AFTPH: variants seen among roughly 807,000 people sequenced by gnomAD.
AFTPH encodes the protein aftiphilin protein.
A neutral mutation model predicts 72.5 loss-of-function variants in AFTPH; 7 were observed. That is an observed-to-expected ratio of 0.10 (90% confidence interval 0.05 to 0.18). AFTPH has a LOEUF of 0.18. AFTPH is among the 10% of genes least tolerant of loss of function. The pLI, the probability that AFTPH is intolerant of heterozygous loss-of-function variation, is 1.00. For synonymous variants in AFTPH, 337 were observed against 370.1 expected (o/e 0.91, Z 1.03); for missense variants, 979 against 1,060.5 (o/e 0.92, Z 1.07).
chr2:64,573,625 C>G (rs1384665197), intron 6 of AFTPH, among the ~76,000 whole-genome samples: 1 of 152,042 alleles, frequency 6.6e-6, no homozygotes, highest in Non-Finnish European at 1.5e-5. Flanking sequence ...ATGATGTGAC[C>G]TTTAACTAAA....
intron 1 of AFTPH, among the ~76,000 whole-genome samples, chr2:64,531,276 GTTA>G (rs1558589598): frequency 6.6e-6 from 1 of 151,842 alleles, no homozygotes; most frequent in Admixed American, 6.6e-5. Context: ...TAGAAGTAGA[GTTA>G]TTAAGTCAGA....
intron 8 of AFTPH, among the ~76,000 whole-genome samples, chr2:64,586,365 T>G (rs1673508025): frequency 6.6e-6 from 1 of 152,226 alleles, no homozygotes; most frequent in Admixed American, 6.5e-5. Flanking sequence ...TTAAAAGAAG[T>G]GTTATAGCTC....
chr2:64,568,943 G>T, intron 3 of AFTPH, 149 bp from the exon 4 acceptor site: 3 of 848,886 alleles, frequency 3.5e-6, no homozygotes, highest in Non-Finnish European at 5.8e-6. Context: ...ATAAGTATTG[G>T]CTCTTGATTT....
chr2:64,574,166 G>A (rs1298435089), intron 6 of AFTPH, among the ~76,000 whole-genome samples: 2 of 152,150 alleles, frequency 1.3e-5, no homozygotes, highest in Admixed American at 1.3e-4. Flanking sequence ...ATTTTTAAGT[G>A]AACATTACCA....
chr2:64,571,098 A>C (rs1672397334), intron 5 of AFTPH, among the ~76,000 whole-genome samples: 1 of 152,068 alleles, frequency 6.6e-6, no homozygotes. Flanking sequence ...AATTATAGCT[A>C]AATTTACCCA....
At chr2:64,573,701 A>G (rs1466100750) in intron 6 of AFTPH, among the ~76,000 whole-genome samples, 1 of 152,194 alleles carries the variant, frequency 6.6e-6, no homozygotes, top group African/African-American at 2.4e-5. Flanking sequence ...TGTGTCTCCC[A>G]GGCTGGAGTG....
chr2:64,572,878 G>C (rs1672530263), intron 5 of AFTPH, 68 bp from the exon 6 acceptor site: 1 of 1,559,510 alleles, frequency 6.4e-7, no homozygotes, highest in Non-Finnish European at 8.7e-7. Flanking sequence ...TCTTCTTTCT[G>C]ATAGATTAAC....
intron 7 of AFTPH, 59 bp downstream of exon 8, chr2:64,581,332 C>T (rs1673184173): frequency 7.3e-7 from 1 of 1,375,760 alleles, no homozygotes. Flanking sequence ...GACCACATCA[C>T]TTGACTTTCC....
At chr2:64,537,475 G>A (rs960690618) in intron 1 of AFTPH, among the ~76,000 whole-genome samples, 73 of 152,048 alleles carry the variant, frequency 4.8e-4, no homozygotes, top group African/African-American at 1.6e-3. Context: ...AAAATGTTTC[G>A]TATGCTACTA....
exon 2 of AFTPH, chr2:64,552,433 T>C (rs1298160716): frequency 6.2e-7 from 1 of 1,614,094 alleles, no homozygotes; most frequent in East Asian, 2.2e-5. Context: ...CTTCCAACAC[T>C]GCAACAGGAT....
chr2:64,567,884 T>C (rs1291493792), intron 3 of AFTPH, among the ~76,000 whole-genome samples, 171 bp downstream of exon 3: 1 of 135,138 alleles, frequency 7.4e-6, no homozygotes, highest in Non-Finnish European at 1.7e-5. Context: ...CTACTAAAAA[T>C]ACAGAAAATT....
intron 5 of AFTPH, among the ~76,000 whole-genome samples, chr2:64,572,013 C>T (rs190311800): frequency 3.9e-5 from 6 of 152,102 alleles, no homozygotes; most frequent in Admixed American, 2.0e-4. Flanking sequence ...GTCAGGAGTT[C>T]GAGACCAGCC....
chr2:64,592,650 T>TTG (rs2104287252), exon 9 of AFTPH: 1 of 152,700 alleles, frequency 6.5e-6, no homozygotes, highest in East Asian at 1.9e-4. Flanking sequence ...CAGAACTTGA[T>TTG]TGGAGGGGTT....
At chr2:64,576,392 G>A (rs901502710) in intron 6 of AFTPH, among the ~76,000 whole-genome samples, 4 of 151,876 alleles carry the variant, frequency 2.6e-5, no homozygotes, top group Admixed American at 6.6e-5. Flanking sequence ...TACCCATTGA[G>A]TTTGTTTTTA....
chr2:64,557,901 T>C (rs2103975978), intron 2 of AFTPH, among the ~76,000 whole-genome samples: 1 of 152,362 alleles, frequency 6.6e-6, no homozygotes, highest in South Asian at 2.1e-4. Flanking sequence ...AAAATAGAAA[T>C]GCTTTATTAG....
intron 5 of AFTPH, among the ~76,000 whole-genome samples, chr2:64,571,866 T>A (rs1672452446): frequency 1.3e-5 from 2 of 151,590 alleles, no homozygotes; most frequent in Non-Finnish European, 2.9e-5. Context: ...TGAAAAATAC[T>A]GATTTTTTTC....
intron 5 of AFTPH, among the ~76,000 whole-genome samples, chr2:64,570,632 A>G (rs1319827225): frequency 1.3e-5 from 2 of 152,176 alleles, no homozygotes; most frequent in African/African-American, 4.8e-5. Context: ...ATAATGCTGG[A>G]CATTTCTTTA....
At chr2:64,531,610 G>T (rs1457600034) in intron 1 of AFTPH, among the ~76,000 whole-genome samples, 4 of 152,124 alleles carry the variant, frequency 2.6e-5, no homozygotes, top group Non-Finnish European at 5.9e-5. Context: ...GAACTATCTT[G>T]TCTAATACAG....
chr2:64,581,363 G>A, intron 7 of AFTPH, 90 bp downstream of exon 8: 1 of 1,018,616 alleles, frequency 9.8e-7, no homozygotes, highest in South Asian at 1.7e-5. Flanking sequence ...GAAACAAGTA[G>A]ATTGTATTCT....
Sources: allele counts gnomAD v4.1 joint callset (sites outside exome capture counted in the v4.1 genomes callset), GRCh38; gene constraint gnomAD v4.1.1; transcripts MANE v1.5; gene names NCBI Gene and HGNC (gene_info 2026-07-23, HGNC 2026-07-21).